The following OPHN1 variants were observed in gnomAD, a reference collection of about 807,000 sequenced individuals.
OPHN1 encodes the protein oligophrenin-1.
OPHN1 carries 11 observed loss-of-function variants against 60.7 expected under a neutral mutation model. The observed-to-expected ratio is 0.18, with a 90% CI of 0.11 to 0.30. The LOEUF (loss-of-function observed/expected upper bound fraction) is 0.30, where lower values mean the gene tolerates loss of function less well. Among genes scored for constraint, OPHN1 ranks in the 10% least tolerant of loss-of-function variants. The pLI, the probability that OPHN1 is intolerant of heterozygous loss-of-function variation, is 1.00. For missense variants in OPHN1, 449 were observed against 611.0 expected (o/e 0.73, Z 2.80); for synonymous variants, 226 against 222.6 (o/e 1.02, Z -0.14).
intron 2 of OPHN1, among the ~76,000 whole-genome samples, chrX:68,371,801 G>T (rs7357991): frequency 8.9e-6 from 1 of 112,591 alleles, no homozygotes; most frequent in East Asian, 2.8e-4. Flanking sequence ...CTGGAGTGCA[G>T]TGGCGCGATC....
chrX:68,058,781 T>C (rs1303030685), intron 21 of OPHN1, among the ~76,000 whole-genome samples: 1 of 111,776 alleles, frequency 8.9e-6, no homozygotes, highest in Non-Finnish European at 1.9e-5. Context: ...AATGGTGGTA[T>C]TGTCCCCACT....
At chrX:68,251,449 G>A (rs970135069) in intron 5 of OPHN1, among the ~76,000 whole-genome samples, 1 of 109,421 alleles carries the variant, frequency 9.1e-6, no homozygotes, top group Non-Finnish European at 1.9e-5. Flanking sequence ...CTCCCAAAGT[G>A]CTGCGATTAC....
Position 68,407,910 on chromosome X carries a change from A to C in OPHN1, c.154+24957T>G, listed in dbSNP as rs557622761. 1.9e-4 allele frequency among the ~76,000 whole-genome samples: 21 copies of C among 112,765 alleles called. No individual in the cohort carries two copies. In the South Asian group the frequency reaches 6.6e-3, roughly 35 times the overall value. On this transcript the variant is annotated intron_variant, in intron 2 of 24. Coordinates refer to ENST00000355520, the MANE Select transcript of OPHN1 (RefSeq NM_002547.3). The stretch of plus-strand genomic sequence containing the variant: ...CCCTTCAAACATTTAGAACTTTTGT[A>C]ATTTAACCATTTTAATGGAAAGCTA...
chrX:68,097,526 T>C (rs1052139166), intron 18 of OPHN1, among the ~76,000 whole-genome samples: 1 of 111,288 alleles, frequency 9.0e-6, no homozygotes, highest in Non-Finnish European at 1.9e-5. Context: ...ATCTTCCTTA[T>C]TTTACAGATG....
intron 15 of OPHN1, among the ~76,000 whole-genome samples, chrX:68,135,616 G>A (rs1467638467): frequency 8.9e-6 from 1 of 112,281 alleles, no homozygotes; most frequent in Non-Finnish European, 1.9e-5. Context: ...GCAGAGAAAA[G>A]AGACATATAA....
At chrX:68,409,688 T>C (rs2147776317) in intron 2 of OPHN1, among the ~76,000 whole-genome samples, 1 of 111,977 alleles carries the variant, frequency 8.9e-6, no homozygotes, top group African/African-American at 3.2e-5. Context: ...AATACAAATC[T>C]TTAAAATCAC....
chrX:68,155,859 G>GT (rs2147496932), intron 15 of OPHN1, among the ~76,000 whole-genome samples: 1 of 111,901 alleles, frequency 8.9e-6, no homozygotes, highest in African/African-American at 3.2e-5. Context: ...TGGTAAAACA[G>GT]TTGTAATAAC....
intron 2 of OPHN1, among the ~76,000 whole-genome samples, chrX:68,367,729 T>TG (rs1281507696): frequency 9.0e-6 from 1 of 111,715 alleles, no homozygotes; most frequent in Non-Finnish European, 1.9e-5. Flanking sequence ...AATTGAATCA[T>TG]GGGGGCAGTT....
chrX:68,296,359 C>A (rs2078094972), intron 3 of OPHN1, among the ~76,000 whole-genome samples: 1 of 111,466 alleles, frequency 9.0e-6, no homozygotes, highest in South Asian at 3.8e-4. Context: ...ATAAATCATA[C>A]ATTAAGAAGC....
At chrX:68,232,776 T>C (rs2147521733) in intron 6 of OPHN1, among the ~76,000 whole-genome samples, 1 of 110,954 alleles carries the variant, frequency 9.0e-6, no homozygotes, top group East Asian at 2.9e-4. Flanking sequence ...GTTGACTGTT[T>C]TCTGCATAGA....
At chrX:68,051,934 G>A (rs971057155) in intron 23 of OPHN1, among the ~76,000 whole-genome samples, 9 of 111,953 alleles carry the variant, frequency 8.0e-5, no homozygotes, top group Non-Finnish European at 1.5e-4. Context: ...GAAACAGACA[G>A]ATAAAGACAA....
intron 15 of OPHN1, among the ~76,000 whole-genome samples, chrX:68,135,198 A>T (rs1374605326): frequency 2.7e-5 from 3 of 111,999 alleles, no homozygotes; most frequent in Admixed American, 1.9e-4. Flanking sequence ...TTATTAATGA[A>T]TATCTTTGAC....
intron 19 of OPHN1, among the ~76,000 whole-genome samples, chrX:68,093,241 T>G (rs956840841): frequency 9.0e-5 from 10 of 111,580 alleles, no homozygotes; most frequent in Admixed American, 2.9e-4. Context: ...ATTTCAAATT[T>G]GAGCTCCAAC....
rs764840083 is a variant in OPHN1 at position 68,302,746 on chromosome X, T to C, written c.155-3650A>G. ...CAGCCTGGGCAATATAGTGAAACCC[T>C]GTCTCCACACAAAAAAATTTTCTTT... On this transcript the variant is annotated intron_variant, in intron 2 of 24. Transcript: ENST00000355520. Among the ~76,000 whole-genome samples, 5 of 110,527 alleles carry C rather than the reference T, an allele frequency of 4.5e-5. No homozygotes were observed. In the South Asian group the frequency reaches 1.9e-3, roughly 42 times the overall value.
chrX:68,409,340 T>C (rs2078758752), intron 2 of OPHN1, among the ~76,000 whole-genome samples: 1 of 111,660 alleles, frequency 9.0e-6, no homozygotes, highest in Non-Finnish European at 1.9e-5. Flanking sequence ...GGAGCATCTG[T>C]CAGTACCCTA....
At chrX:68,110,940 G>A (rs1025518038) in intron 18 of OPHN1, among the ~76,000 whole-genome samples, 7 of 111,272 alleles carry the variant, frequency 6.3e-5, no homozygotes, top group African/African-American at 1.6e-4. Context: ...TTATTACAGG[G>A]GGAGGCCAAA....
Position 68,092,346 on chromosome X carries a change from G to T in OPHN1, c.1686+4524C>A, listed in dbSNP as rs193155716. Among the ~76,000 whole-genome samples the T allele has an allele frequency of 3.0e-4, 33 of 111,666 alleles. No individual in the cohort carries two copies. In the East Asian group the frequency reaches 8.5e-3, roughly 29 times the overall value. On this transcript the variant is annotated intron_variant, in intron 19 of 24. Transcript: ENST00000355520. ...CCATGTGAGGTTACACCTACATAAG[G>T]TCTAGAATTTCTGGAACATTCTCAC...
rs769711420 is a variant in OPHN1 at position 68,273,291 on chromosome X, T to C, written c.384+1447A>G. On this transcript the variant is annotated intron_variant, in intron 5 of 24. Coordinates refer to ENST00000355520, the MANE Select transcript of OPHN1 (RefSeq NM_002547.3). ...TATCTACTGGTTGGTATGCTCTTAG[T>C]CCTAAGAAAACTAGATGCTTGGACA... Among the ~76,000 whole-genome samples the C allele has an allele frequency of 4.5e-5, 5 of 112,275 alleles. No individual in the cohort carries two copies. The South Asian group carries it at 1.9e-3, about 42-fold the overall frequency.
In OPHN1 at chrX:68,108,950, C is replaced by T. The variant is rs1247633480; in HGVS notation, c.1526+2904G>A. Among the ~76,000 whole-genome samples, 3 of 111,846 alleles carry T rather than the reference C, an allele frequency of 2.7e-5. No individual in the cohort carries two copies. In the Admixed American group the frequency reaches 2.9e-4, roughly 11 times the overall value. ...CCTATCACCTCCACCCTACTTACCACACCTATCCAGTATAATAACCACTTT... is the reference window on the plus strand; with the variant it reads ...CCTATCACCTCCACCCTACTTACCATACCTATCCAGTATAATAACCACTTT... On this transcript the variant is annotated intron_variant, in intron 18 of 24. Coordinates refer to ENST00000355520, the MANE Select transcript of OPHN1 (RefSeq NM_002547.3).
Sources: allele counts gnomAD v4.1 joint callset (sites outside exome capture counted in the v4.1 genomes callset), GRCh38; gene constraint gnomAD v4.1.1; transcripts MANE v1.5; gene names NCBI Gene and HGNC (gene_info 2026-07-23, HGNC 2026-07-21).